DGKB: variants seen among roughly 807,000 people sequenced by gnomAD.
DGKB encodes diacylglycerol kinase beta.
Under a neutral mutation model 114.3 loss-of-function variants are expected in DGKB, and 67 were observed. That is an observed-to-expected ratio of 0.59 (90% confidence interval 0.48 to 0.72). The LOEUF is 0.72. Ranked by LOEUF, DGKB falls within the 30% of genes least tolerant of loss-of-function variation. DGKB has a pLI of 0.00. For missense variants in DGKB, 907 were observed against 975.2 expected (o/e 0.93, Z 0.93); for synonymous variants, 398 against 323.1 (o/e 1.23, Z -2.49).
At chr7:14,244,032 A>G (rs1457764941) in intron 23 of DGKB, among the ~76,000 whole-genome samples, 1 of 144,080 alleles carries the variant, frequency 6.9e-6, no homozygotes, top group Non-Finnish European at 1.6e-5. Context: ...TCTGAGAGAG[A>G]GAGACAGAGA....
intron 10 of DGKB, 30 bp from the exon 11 acceptor site, chr7:14,682,871 G>T (rs1381832913): frequency 6.9e-7 from 1 of 1,457,432 alleles, no homozygotes; most frequent in East Asian, 2.4e-5. Context: ...CAAATTCAGA[G>T]CTAATCCTGG....
At chr7:14,324,244 T>C (rs982310251) in intron 23 of DGKB, among the ~76,000 whole-genome samples, 1 of 151,052 alleles carries the variant, frequency 6.6e-6, no homozygotes, top group African/African-American at 2.4e-5. Flanking sequence ...AGGTCAGGAG[T>C]TTAAGACCAG....
chr7:14,551,023 G>T (rs1046366610), intron 20 of DGKB, among the ~76,000 whole-genome samples: 3 of 151,666 alleles, frequency 2.0e-5, no homozygotes, highest in Non-Finnish European at 1.5e-5. Flanking sequence ...AGATATAGGA[G>T]AATGTGTTAC....
intron 23 of DGKB, among the ~76,000 whole-genome samples, chr7:14,277,181 T>TA (rs1799148835): frequency 9.0e-5 from 1 of 11,080 alleles, no homozygotes; most frequent in African/African-American, 1.4e-4. Flanking sequence ...GTTTATTTTA[T>TA]TTTTTTTGAG....
intron 13 of DGKB, among the ~76,000 whole-genome samples, chr7:14,654,096 T>G (rs1267673847): frequency 6.6e-6 from 1 of 152,018 alleles, no homozygotes; most frequent in Non-Finnish European, 1.5e-5. Flanking sequence ...TGTCAACTTA[T>G]CCCTCCTTGT....
intron 5 of DGKB, among the ~76,000 whole-genome samples, chr7:14,735,286 C>T (rs925205263): frequency 2.6e-5 from 4 of 152,246 alleles, no homozygotes; most frequent in East Asian, 1.9e-4. Context: ...TAGGCAACCC[C>T]TCACCTCAGA....
At chr7:14,582,418 T>C (rs1395458066) in intron 18 of DGKB, among the ~76,000 whole-genome samples, 2 of 152,200 alleles carry the variant, frequency 1.3e-5, no homozygotes, top group South Asian at 2.1e-4. Context: ...TCAGTTTAAA[T>C]AGAGAGGCAA....
intron 1 of DGKB, among the ~76,000 whole-genome samples, chr7:14,919,062 G>GCGCGCACACACACA (rs1213217913): frequency 6.8e-4 from 80 of 118,144 alleles, no homozygotes; most frequent in African/African-American, 2.6e-3. Flanking sequence ...TCCACCACAC[G>GCGCGCACACACACA]CACACACACA....
At chr7:14,208,112 GTATT>G (rs1475407623) in intron 23 of DGKB, among the ~76,000 whole-genome samples, 4 of 151,968 alleles carry the variant, frequency 2.6e-5, no homozygotes, top group African/African-American at 9.7e-5. Context: ...TTTGAAAAAA[GTATT>G]TAATCTGTAT....
At chr7:14,788,363 T>G (rs117572169) in intron 2 of DGKB, among the ~76,000 whole-genome samples, 206 of 152,338 alleles carry the variant, frequency 1.4e-3, no homozygotes, top group Middle Eastern at 3.4e-3. Flanking sequence ...ATGCCTTTTA[T>G]TTTCTGTGTT....
At chr7:14,767,357 A>G (rs529133176) in intron 2 of DGKB, among the ~76,000 whole-genome samples, 15 of 151,932 alleles carry the variant, frequency 9.9e-5, no homozygotes, top group Admixed American at 3.3e-4. Flanking sequence ...GTGCTGCTTA[A>G]TTACCATTCA....
intron 23 of DGKB, among the ~76,000 whole-genome samples, chr7:14,194,430 G>A (rs775274623): frequency 6.6e-6 from 1 of 152,062 alleles, no homozygotes; most frequent in Admixed American, 6.6e-5. Flanking sequence ...CGTGTTAACC[G>A]AAATAAGCCA....
chr7:14,400,222 GT>G (rs1822888076), intron 21 of DGKB, among the ~76,000 whole-genome samples: 1 of 151,784 alleles, frequency 6.6e-6, no homozygotes, highest in Non-Finnish European at 1.5e-5. Flanking sequence ...CATAATGCAT[GT>G]TCAGTAAATA....
intron 21 of DGKB, among the ~76,000 whole-genome samples, chr7:14,359,250 A>C (rs1403507355): frequency 1.3e-5 from 2 of 152,194 alleles, no homozygotes; most frequent in Admixed American, 6.5e-5. Context: ...GGCGCTGGGA[A>C]AACTGGCTAG....
At chr7:14,179,459 T>C (rs1356028893) in intron 23 of DGKB, among the ~76,000 whole-genome samples, 1 of 152,188 alleles carries the variant, frequency 6.6e-6, no homozygotes, top group African/African-American at 2.4e-5. Flanking sequence ...ATGATTATTA[T>C]ACAAGAAAGC....
chr7:14,288,030 G>A (rs12699600), intron 23 of DGKB, among the ~76,000 whole-genome samples: 2 of 151,690 alleles, frequency 1.3e-5, no homozygotes, highest in South Asian at 2.1e-4. Context: ...ATAGTGCAAG[G>A]TTTCTCTGCA....
chr7:14,587,472 A>AGAT (rs1434145116), intron 17 of DGKB, among the ~76,000 whole-genome samples: 2 of 152,174 alleles, frequency 1.3e-5, no homozygotes, highest in East Asian at 3.8e-4. Context: ...CAAAGGATTT[A>AGAT]GATTATTACA....
intron 1 of DGKB, among the ~76,000 whole-genome samples, chr7:14,945,695 TATTAATAGAAATA>T (rs747526811): frequency 5.9e-4 from 90 of 151,780 alleles, no homozygotes; most frequent in Non-Finnish European, 3.8e-4. Context: ...ACAAATATTC[TATTAATAGAAATA>T]TAACTTTTTA....
At chr7:14,152,317 A>C (rs952761020) in intron 25 of DGKB, among the ~76,000 whole-genome samples, 2 of 152,070 alleles carry the variant, frequency 1.3e-5, no homozygotes, top group African/African-American at 4.8e-5. Flanking sequence ...GGCTGTGAAC[A>C]AGGCATTTTG....
Sources: allele counts gnomAD v4.1 joint callset (sites outside exome capture counted in the v4.1 genomes callset), GRCh38; gene constraint gnomAD v4.1.1; transcripts MANE v1.5; gene names NCBI Gene and HGNC (gene_info 2026-07-23, HGNC 2026-07-21).